The following DGLUCY variants were observed in gnomAD, a reference collection of about 807,000 sequenced individuals.
DGLUCY encodes the protein D-glutamate cyclase, mitochondrial.
A neutral mutation model predicts 58.5 loss-of-function variants in DGLUCY; 58 were observed. The ratio of observed to expected loss-of-function variants is 0.99; its 90% CI spans 0.80 to 1.23. The LOEUF is 1.23. Ranked by LOEUF, DGLUCY falls within the 50% of genes most tolerant of loss-of-function variation. The pLI is 0.00. For missense variants in DGLUCY, 779 were observed against 784.7 expected (o/e 0.99, Z 0.09); for synonymous variants, 325 against 314.1 (o/e 1.03, Z -0.37).
chr14:91,101,364 A>T (rs1324518662), intron 1 of DGLUCY, among the ~76,000 whole-genome samples: 2 of 152,170 alleles, frequency 1.3e-5, no homozygotes, highest in Non-Finnish European at 2.9e-5. Flanking sequence ...ACTCTTTTAG[A>T]AACCTTATGT....
At chr14:91,196,754 A>G (rs2050244553) in intron 10 of DGLUCY, among the ~76,000 whole-genome samples, 1 of 151,906 alleles carries the variant, frequency 6.6e-6, no homozygotes, top group Non-Finnish European at 1.5e-5. Context: ...TAAAAAAAAA[A>G]AAAAAAAAAA....
At chr14:91,075,014 G>A (rs923314799) in intron 1 of DGLUCY, among the ~76,000 whole-genome samples, 9 of 151,174 alleles carry the variant, frequency 6.0e-5, no homozygotes, top group African/African-American at 2.2e-4. Context: ...GGAAGTTGCA[G>A]TGAGCCAAGA....
upstream of DGLUCY, among the ~76,000 whole-genome samples, chr14:91,111,286 A>ATT (rs200814608): frequency 6.8e-5 from 4 of 58,916 alleles, no homozygotes; most frequent in Admixed American, 1.8e-4. Flanking sequence ...ATATATATAT[A>ATT]TATATTTTTT....
intron 1 of DGLUCY, among the ~76,000 whole-genome samples, chr14:91,078,040 T>G (rs1485382559): frequency 2.0e-5 from 3 of 152,204 alleles, no homozygotes; most frequent in Admixed American, 2.0e-4. Flanking sequence ...TTTATTGTTA[T>G]TATTATTTTT....
chr14:91,181,766 C>T (rs546224030), intron 8 of DGLUCY, among the ~76,000 whole-genome samples: 1 of 151,250 alleles, frequency 6.6e-6, no homozygotes, highest in African/African-American at 2.4e-5. Flanking sequence ...CCTGTCTCAG[C>T]CTCCTGAGTA....
intron 1 of DGLUCY, among the ~76,000 whole-genome samples, chr14:91,101,887 C>T (rs1213631563): frequency 6.6e-6 from 1 of 152,074 alleles, no homozygotes; most frequent in African/African-American, 2.4e-5. Context: ...GAGATGGGGT[C>T]TTACTATGTT....
At chr14:91,128,435 A>G (rs1474984934) in intron 1 of DGLUCY, among the ~76,000 whole-genome samples, 2 of 152,090 alleles carry the variant, frequency 1.3e-5, no homozygotes, top group Non-Finnish European at 2.9e-5. Context: ...TGGAGGTCAC[A>G]ATGAGCCATG....
At chr14:91,109,628 C>T, upstream of DGLUCY, among the ~76,000 whole-genome samples, 1 of 152,074 alleles carries the variant, frequency 6.6e-6, no homozygotes. Flanking sequence ...CTTCCTGGCT[C>T]CCAGATGGCC....
chr14:91,212,975 C>T (rs1885918924), intron 12 of DGLUCY, among the ~76,000 whole-genome samples: 1 of 147,708 alleles, frequency 6.8e-6, no homozygotes, highest in Non-Finnish European at 1.5e-5. Context: ...CACTCCAGCC[C>T]GGGTGACAGA....
upstream of DGLUCY, among the ~76,000 whole-genome samples, chr14:91,110,516 C>T (rs578122410): frequency 6.0e-5 from 9 of 151,030 alleles, no homozygotes; most frequent in Admixed American, 3.3e-4. Flanking sequence ...CTGCAACCTC[C>T]GCCTCCAGGG....
chr14:91,128,196 G>A (rs935302825), intron 1 of DGLUCY, among the ~76,000 whole-genome samples: 12 of 151,844 alleles, frequency 7.9e-5, no homozygotes, highest in African/African-American at 1.5e-4. Flanking sequence ...GATCCAGGCC[G>A]GTACGGTGGC....
At chr14:91,065,025 A>C (rs2140015831) in intron 1 of DGLUCY, among the ~76,000 whole-genome samples, 2 of 152,340 alleles carry the variant, frequency 1.3e-5, no homozygotes, top group Non-Finnish European at 2.9e-5. Context: ...TGCAAAACTT[A>C]GTAAACTTAG....
chr14:91,100,108 T>TTTCG (rs1215397602), intron 1 of DGLUCY, among the ~76,000 whole-genome samples: 1 of 150,660 alleles, frequency 6.6e-6, no homozygotes, highest in Non-Finnish European at 1.5e-5. Flanking sequence ...AATTAGATGG[T>TTTCG]TTCGAAGTTT....
chr14:91,066,475 C>T (rs2043823807), intron 1 of DGLUCY, among the ~76,000 whole-genome samples: 1 of 151,720 alleles, frequency 6.6e-6, no homozygotes, highest in African/African-American at 2.4e-5. Context: ...GGTCCGTGCT[C>T]ACCCCCTTTT....
intron 1 of DGLUCY, among the ~76,000 whole-genome samples, chr14:91,076,175 AAGAC>A (rs1191561665): frequency 2.6e-5 from 4 of 151,976 alleles, no homozygotes; most frequent in Admixed American, 6.6e-5. Flanking sequence ...TAGGTAAGAG[AAGAC>A]AGACATAGAA....
intron 10 of DGLUCY, among the ~76,000 whole-genome samples, chr14:91,198,599 G>T (rs948244121): frequency 6.6e-6 from 1 of 151,394 alleles, no homozygotes; most frequent in Non-Finnish European, 1.5e-5. Flanking sequence ...TGCCTGCCTC[G>T]GCCTCCCAAA....
chr14:91,176,924 T>C (rs1436109519), intron 7 of DGLUCY, among the ~76,000 whole-genome samples: 6 of 150,384 alleles, frequency 4.0e-5, no homozygotes, highest in African/African-American at 1.5e-4. Flanking sequence ...TGATTAAATA[T>C]ATTTCCTTCC....
intron 11 of DGLUCY, among the ~76,000 whole-genome samples, chr14:91,202,426 G>A (rs2050630452): frequency 6.6e-6 from 1 of 152,208 alleles, no homozygotes; most frequent in African/African-American, 2.4e-5. Flanking sequence ...AGACTCATTA[G>A]TCTCCTTTGG....
intron 5 of DGLUCY, among the ~76,000 whole-genome samples, chr14:91,171,150 G>A (rs894131705): frequency 3.3e-5 from 5 of 152,146 alleles, no homozygotes; most frequent in African/African-American, 4.8e-5. Flanking sequence ...CCCATGGCTC[G>A]TCACATGCAG....
Sources: allele counts gnomAD v4.1 joint callset (sites outside exome capture counted in the v4.1 genomes callset), GRCh38; gene constraint gnomAD v4.1.1; transcripts MANE v1.5; gene names NCBI Gene and HGNC (gene_info 2026-07-23, HGNC 2026-07-21).